RBM33: variants seen among roughly 807,000 people sequenced by gnomAD.
The protein encoded by RBM33 is RNA binding motif protein 33, also known as RNA-binding protein 33.
RBM33 carries 28 observed loss-of-function variants against 132.6 expected under a neutral mutation model. The observed-to-expected ratio is 0.21, with a 90% CI of 0.16 to 0.29. The LOEUF is 0.29. RBM33 is among the 10% of genes least tolerant of loss of function. The pLI, the probability that RBM33 is intolerant of heterozygous loss-of-function variation, is 1.00. For missense variants in RBM33, 1,291 were observed against 1,518.5 expected (o/e 0.85, Z 2.49); for synonymous variants, 634 against 593.0 (o/e 1.07, Z -1.01).
chr7:155,761,908 CT>C (rs1802048999), intron 14 of RBM33, among the ~76,000 whole-genome samples: 1 of 152,162 alleles, frequency 6.6e-6, no homozygotes, highest in Admixed American at 6.5e-5. Context: ...GATGTCATTG[CT>C]TAAGTTGCAG....
At chr7:155,684,868 A>G in intron 5 of RBM33, 1 of 1,496,378 alleles carries the variant, frequency 6.7e-7, no homozygotes, top group Non-Finnish European at 8.9e-7. Flanking sequence ...AAAGACGAAA[A>G]GTACGTAAAA....
Position 155,700,841 on chromosome 7 carries a change from TGAA to T in RBM33, c.640_642del (p.Glu214del), listed in dbSNP as rs1799941008. The T allele has an allele frequency of 6.2e-7, 1 of 1,606,612 alleles. No homozygotes were observed. Among genetic ancestry groups the T allele is most frequent in the Non-Finnish European group, 8.5e-7 (1 of 1,176,042 alleles). ...AATCAGATGAAGAAGAAGAAGATGA[TGAA>T]GAATCTGGACGATTACGTTTCAAAA... is the stretch of plus-strand genomic sequence containing the variant. On this transcript the variant is annotated inframe_deletion, in exon 6 of 18. Transcript: ENST00000401878.
rs1455888809 is a variant in RBM33, at chr7:155,700,960, G to A, written c.739+16G>A. Reference sequence around the variant, plus strand: ...GAAACTTTGGGTAACTTTTTTGCCTGTCTCCCATCCTCCTTTACTCTCATT... The same window carrying A: ...GAAACTTTGGGTAACTTTTTTGCCTATCTCCCATCCTCCTTTACTCTCATT... On this transcript the variant is annotated intron_variant, in intron 6 of 17. Coordinates refer to ENST00000401878, the MANE Select transcript of RBM33 (RefSeq NM_053043.3). 1.3e-6 allele frequency: 2 copies of A among 1,594,858 alleles called. No individual in the cohort carries two copies. The highest frequency in any genetic ancestry group is 1.1e-5 in the South Asian group (1 of 88,724).
intron 9 of RBM33, among the ~76,000 whole-genome samples, chr7:155,732,967 G>C (rs750849622): frequency 6.6e-6 from 1 of 152,318 alleles, no homozygotes; most frequent in South Asian, 2.1e-4. Context: ...TGGCCACAGG[G>C]GTAGAGGAGT....
intron 6 of RBM33, among the ~76,000 whole-genome samples, chr7:155,702,220 G>A (rs1441651230): frequency 1.3e-5 from 2 of 152,150 alleles, no homozygotes; most frequent in African/African-American, 4.8e-5. Context: ...ACATGAGCCT[G>A]TATCTTTAAG....
chr7:155,652,505 A>G (rs866330277), intron 1 of RBM33, among the ~76,000 whole-genome samples: 17 of 152,242 alleles, frequency 1.1e-4, no homozygotes, highest in South Asian at 4.1e-4. Context: ...TCTATGTGGT[A>G]TCTTATCCAA....
chr7:155,731,697 A>C (rs143615175), intron 9 of RBM33, among the ~76,000 whole-genome samples: 2 of 152,282 alleles, frequency 1.3e-5, no homozygotes, highest in African/African-American at 4.8e-5. Flanking sequence ...TTATTTCTGG[A>C]ATTTTCCATT....
chr7:155,738,112 C>T lies in RBM33; in HGVS notation c.1446C>T (p.Pro482=). Reference sequence around the variant, plus strand: ...ATCTTTTTCTGGAACAGCGAAGTCCCCCTCCACCACCACCGCCTCCTACCC... The same window carrying T: ...ATCTTTTTCTGGAACAGCGAAGTCCTCCTCCACCACCACCGCCTCCTACCC... The part of the protein sequence containing the change: ...PSHLFLEQRS[P]PPPPPPPTLL... Residue 482 remains proline (P), a synonymous_variant, in exon 11 of 18, where the codon CCC becomes CCT. Coordinates refer to ENST00000401878, the MANE Select transcript of RBM33 (RefSeq NM_053043.3). The T allele has an allele frequency of 6.2e-7, 1 of 1,613,882 alleles. No homozygotes were observed. Among genetic ancestry groups the T allele is most frequent in the Non-Finnish European group, 8.5e-7 (1 of 1,179,842 alleles).
rs775839923 is a variant in RBM33, at chr7:155,774,618, C to A, written c.3435C>A (p.His1145Gln). The change falls in exon 17 of 18, where the codon CAC becomes CAA. Residue 1145 changes from histidine (H) to glutamine (Q), a missense_variant. Around this residue, in one of 7 missense-constraint regions of RBM33, gnomAD observed 55 missense variants for 101.4 expected, o/e 0.54. Transcript: ENST00000401878. This position sits in a 1 kb window ranked among gnomAD's most constrained non-coding sequence, Gnocchi z 4.2. The stretch of plus-strand genomic sequence containing the variant: ...TAGCTAAGTTCAAGGAGCCAGCCCA[C>A]GCATTAGCATTTCAGCAGAAATTCC... ...KAIAKFKEPA[H>Q]ALAFQQKFHR... 1 of 1,613,966 alleles carries A rather than the reference C, an allele frequency of 6.2e-7. No homozygotes were observed.
chr7:155,767,689 G>C (rs775830940), intron 16 of RBM33, among the ~76,000 whole-genome samples: 1 of 152,136 alleles, frequency 6.6e-6, no homozygotes, highest in Non-Finnish European at 1.5e-5. Flanking sequence ...CATTTTTATT[G>C]GTGTGTAGTA....
At chr7:155,750,228 A>G (rs1480879644) in intron 14 of RBM33, among the ~76,000 whole-genome samples, 1 of 152,212 alleles carries the variant, frequency 6.6e-6, no homozygotes, top group Non-Finnish European at 1.5e-5. Flanking sequence ...TTTCTCAGAA[A>G]GCTATTTTTC....
In RBM33 at chr7:155,776,114, T is replaced by G. The variant is rs117029733; in HGVS notation, c.*1073T>G. 276 of 152,682 alleles carry G rather than the reference T, an allele frequency of 1.8e-3. 1 individual carries two copies. Among genetic ancestry groups the G allele is most frequent in the Middle Eastern group, 0.01 (3 of 294 alleles). 9.5% of individuals were successfully genotyped at this position (152,682 alleles called of 1,614,324 possible). A position where few individuals can be genotyped will look rare whatever the true frequency, so the allele number is the denominator to read the frequency against. On this transcript the variant is annotated 3_prime_UTR_variant, in exon 18 of 18. Coordinates refer to ENST00000401878, the MANE Select transcript of RBM33 (RefSeq NM_053043.3). This position sits in a 1 kb window ranked among gnomAD's most constrained non-coding sequence, Gnocchi z 4.0. ...TCATCATTGAAACTGCTTTTCGTAA[T>G]TGCGGGTAGGTTCCTGTAGGTGAGA...
chr7:155,717,427 C>A (rs1800495393), intron 8 of RBM33, among the ~76,000 whole-genome samples: 1 of 151,500 alleles, frequency 6.6e-6, no homozygotes, highest in Admixed American at 6.6e-5. Flanking sequence ...AGGGCCTAGA[C>A]CTCATTTGAC....
At chr7:155,648,651 TC>T (rs1798267581) in intron 1 of RBM33, among the ~76,000 whole-genome samples, 1 of 152,092 alleles carries the variant, frequency 6.6e-6, no homozygotes, top group Admixed American at 6.5e-5. Context: ...AGAAAATCTT[TC>T]ATGCTTAATT....
chr7:155,747,872 G>A (rs902788233), intron 14 of RBM33, among the ~76,000 whole-genome samples: 3 of 152,062 alleles, frequency 2.0e-5, no homozygotes, highest in Admixed American at 2.0e-4. Flanking sequence ...TTGTTTTTTT[G>A]TGGGTGAGGA....
At chr7:155,737,245 C>CGCGTGT (rs1554481864) in intron 9 of RBM33, among the ~76,000 whole-genome samples, 5 of 149,154 alleles carry the variant, frequency 3.4e-5, no homozygotes, top group African/African-American at 1.2e-4. Context: ...TCTAGGTGCG[C>CGCGTGT]GTGTGTGTGT....
intron 8 of RBM33, among the ~76,000 whole-genome samples, chr7:155,718,085 T>G (rs1331224947): frequency 1.3e-5 from 2 of 151,850 alleles, no homozygotes; most frequent in Non-Finnish European, 2.9e-5. Context: ...CAAACTAGGT[T>G]TTTTATTTTA....
chr7:155,762,803 G>A (rs1237338009), intron 14 of RBM33, among the ~76,000 whole-genome samples: 1 of 152,206 alleles, frequency 6.6e-6, no homozygotes, highest in Non-Finnish European at 1.5e-5. Flanking sequence ...ACTATCCCGT[G>A]ACTGACACTC....
rs539109399 is a variant in RBM33, at chr7:155,777,447, A to T, written c.*2406A>T. ...TGGATTCTTAGTACCAGACAATCCCAGTAATGAAGGTTTAGTTTCCTTGAA... is the reference window on the plus strand; with the variant it reads ...TGGATTCTTAGTACCAGACAATCCCTGTAATGAAGGTTTAGTTTCCTTGAA... On this transcript the variant is annotated 3_prime_UTR_variant, in exon 18 of 18. Coordinates refer to ENST00000401878, the MANE Select transcript of RBM33 (RefSeq NM_053043.3). 1 of 152,258 alleles carries T rather than the reference A, an allele frequency of 6.6e-6. No homozygotes were observed. Among genetic ancestry groups the T allele is most frequent in the Non-Finnish European group, 1.5e-5 (1 of 68,040 alleles). 9.4% of individuals were successfully genotyped at this position (152,258 alleles called of 1,614,324 possible).
Sources: gnomAD v4.1 joint callset for allele counts (sites outside exome capture counted in the v4.1 genomes callset) on GRCh38, gnomAD v4.1.1 for gene constraint, gnomAD v4.1.1 regional missense constraint, Gnocchi (gnomAD v3.1) non-coding constraint, MANE v1.5 for transcripts, NCBI Gene and HGNC (gene_info 2026-07-23, HGNC 2026-07-21) for gene names.